Variants in EYS observed in about 807,000 individuals in gnomAD.
The protein encoded by EYS is protein eyes shut homolog.
In EYS, 250 loss-of-function variants were observed where a neutral mutation model predicts 282.1. The ratio of observed to expected loss-of-function variants is 0.89; its 90% CI spans 0.80 to 0.98. EYS has a LOEUF of 0.98. Ranked by LOEUF, EYS falls within the 50% of genes least tolerant of loss-of-function variation. The probability of loss-of-function intolerance (pLI) is 0.00; values close to 1 mark genes in which losing one functional copy is unlikely to be tolerated. For missense variants in EYS, 4,016 were observed against 3,709.0 expected (o/e 1.08, Z -2.15); for synonymous variants, 1,355 against 1,282.9 (o/e 1.06, Z -1.20).
chr6:64,069,352 AT>A (rs1225967419), intron 32 of EYS, among the ~76,000 whole-genome samples: 1 of 152,168 alleles, frequency 6.6e-6, no homozygotes, highest in East Asian at 1.9e-4. Flanking sequence ...TCAGATATTT[AT>A]TTGTGGAATA....
chr6:64,949,130 T>A (rs1409748728), intron 14 of EYS, among the ~76,000 whole-genome samples: 1 of 151,950 alleles, frequency 6.6e-6, no homozygotes, highest in Admixed American at 6.6e-5. Flanking sequence ...TCTCTAGACA[T>A]CTAGTATATT....
chr6:64,350,956 C>A (rs764690526), intron 29 of EYS, among the ~76,000 whole-genome samples: 2 of 151,452 alleles, frequency 1.3e-5, no homozygotes, highest in African/African-American at 4.8e-5. Flanking sequence ...TCACTTGGCA[C>A]TTGTCTCCTG....
chr6:65,048,339 C>T (rs1386019453), intron 13 of EYS, among the ~76,000 whole-genome samples: 2 of 151,810 alleles, frequency 1.3e-5, no homozygotes, highest in African/African-American at 4.8e-5. Context: ...TTACCAAGGC[C>T]ACTTTAGTAA....
At chr6:65,006,573 T>C (rs546551975) in intron 13 of EYS, among the ~76,000 whole-genome samples, 33 of 151,346 alleles carry the variant, frequency 2.2e-4, no homozygotes, top group Non-Finnish European at 3.4e-4. Flanking sequence ...GGGGCTATTA[T>C]GTTAGAAAAA....
chr6:63,919,936 G>C (rs941320170), intron 35 of EYS, among the ~76,000 whole-genome samples: 2 of 152,128 alleles, frequency 1.3e-5, no homozygotes, highest in African/African-American at 4.8e-5. Context: ...GGGATGTGTG[G>C]CTCTACGTAA....
chr6:64,472,596 T>C (rs150730797), intron 26 of EYS, among the ~76,000 whole-genome samples: 1,737 of 152,290 alleles, frequency 0.011, 29 homozygotes, highest in African/African-American at 0.034. Context: ...AATGAGGAAT[T>C]TGAGAAACCA....
intron 1 of EYS, among the ~76,000 whole-genome samples, chr6:65,649,831 A>C (rs189169907): frequency 6.6e-6 from 1 of 152,324 alleles, no homozygotes; most frequent in Admixed American, 6.5e-5. Flanking sequence ...ATGAACCAAA[A>C]GTCACCTGTA....
intron 31 of EYS, among the ~76,000 whole-genome samples, chr6:64,092,508 A>G (rs530782719): frequency 0.033 from 5,002 of 152,046 alleles, 271 homozygotes; most frequent in African/African-American, 0.11. Context: ...GCCAGTGATG[A>G]TGAGCATTTT....
At chr6:65,138,574 T>A (rs904438920) in intron 12 of EYS, among the ~76,000 whole-genome samples, 1 of 152,080 alleles carries the variant, frequency 6.6e-6, no homozygotes, top group Non-Finnish European at 1.5e-5. Flanking sequence ...GAAGCAAGAC[T>A]AGCTAGTAAT....
At chr6:63,795,824 TGCAAGTCA>T (rs1418300996) in intron 37 of EYS, among the ~76,000 whole-genome samples, 1 of 152,110 alleles carries the variant, frequency 6.6e-6, no homozygotes, top group Non-Finnish European at 1.5e-5. Flanking sequence ...GGAGAAACTG[TGCAAGTCA>T]GCTTGACCTG....
intron 13 of EYS, among the ~76,000 whole-genome samples, chr6:65,022,186 A>G (rs892706811): frequency 1.3e-5 from 2 of 152,166 alleles, no homozygotes; most frequent in Non-Finnish European, 2.9e-5. Context: ...TTTTCTCCTA[A>G]GTCTGTGCTT....
At chr6:65,501,420 A>T (rs879780010) in intron 2 of EYS, among the ~76,000 whole-genome samples, 2 of 151,886 alleles carry the variant, frequency 1.3e-5, no homozygotes, top group Admixed American at 1.3e-4. Context: ...GAGATAATAT[A>T]TTTTTTCTAG....
chr6:65,527,935 T>C (rs752184353), intron 2 of EYS, among the ~76,000 whole-genome samples: 21 of 152,160 alleles, frequency 1.4e-4, no homozygotes, highest in African/African-American at 2.2e-4. Flanking sequence ...GTTGGTTCAA[T>C]AGGCTCACGA....
intron 35 of EYS, among the ~76,000 whole-genome samples, chr6:63,931,270 C>T (rs2149751218): frequency 6.6e-6 from 1 of 152,146 alleles, no homozygotes; most frequent in East Asian, 1.9e-4. Context: ...CAAGAGCAGA[C>T]TCTTAGGATG....
intron 26 of EYS, among the ~76,000 whole-genome samples, chr6:64,536,319 G>A (rs572782459): frequency 9.9e-5 from 15 of 152,172 alleles, no homozygotes; most frequent in African/African-American, 3.6e-4. Flanking sequence ...AAATAAAAAA[G>A]ATCTTCCTAA....
chr6:65,071,008 T>C, intron 12 of EYS, among the ~76,000 whole-genome samples: 1 of 151,922 alleles, frequency 6.6e-6, no homozygotes, highest in Non-Finnish European at 1.5e-5. Flanking sequence ...CAGTTTACGG[T>C]TAATATGACA....
intron 22 of EYS, among the ~76,000 whole-genome samples, chr6:64,750,222 C>G (rs1007288430): frequency 5.3e-5 from 8 of 151,828 alleles, no homozygotes; most frequent in African/African-American, 1.7e-4. Flanking sequence ...AAATAGAGAG[C>G]AAAAGAAGTA....
chr6:64,744,802 TTTAA>T (rs760030650), intron 22 of EYS, among the ~76,000 whole-genome samples: 49 of 152,254 alleles, frequency 3.2e-4, no homozygotes, highest in South Asian at 8.3e-4. Flanking sequence ...AAAAAATCAC[TTTAA>T]TTATGCGAAT....
chr6:64,213,751 C>A (rs1474572412), intron 31 of EYS, among the ~76,000 whole-genome samples: 1 of 152,006 alleles, frequency 6.6e-6, no homozygotes, highest in Non-Finnish European at 1.5e-5. Context: ...TTCAAATGAT[C>A]TAAATGTAAA....
Sources: gnomAD v4.1 joint callset for allele counts (sites outside exome capture counted in the v4.1 genomes callset) on GRCh38, gnomAD v4.1.1 for gene constraint, MANE v1.5 for transcripts, NCBI Gene and HGNC (gene_info 2026-07-23, HGNC 2026-07-21) for gene names.